The following OPCML variants were observed in gnomAD, a reference collection of about 807,000 sequenced individuals.
OPCML encodes opioid binding protein/cell adhesion molecule like.
In OPCML, 13 loss-of-function variants were observed where a neutral mutation model predicts 37.8. That is an observed-to-expected ratio of 0.34 (90% CI 0.22 to 0.55). OPCML has a LOEUF of 0.55. OPCML is among the 20% of genes least tolerant of loss of function. The probability of loss-of-function intolerance (pLI) is 0.91; values close to 1 mark genes in which losing one functional copy is unlikely to be tolerated. For missense variants in OPCML, 341 were observed against 435.6 expected (o/e 0.78, Z 1.93); for synonymous variants, 176 against 168.8 (o/e 1.04, Z -0.33).
At chr11:132,754,370 G>A (rs184166147) in intron 2 of OPCML, among the ~76,000 whole-genome samples, 4 of 152,130 alleles carry the variant, frequency 2.6e-5, no homozygotes, top group East Asian at 1.9e-4. Flanking sequence ...AAGATCTGAC[G>A]GTTTTTAAAA....
At chr11:133,311,446 G>A (rs948485240) in intron 1 of OPCML, among the ~76,000 whole-genome samples, 2 of 152,244 alleles carry the variant, frequency 1.3e-5, no homozygotes, top group Non-Finnish European at 2.9e-5. Context: ...TGCATCATTA[G>A]TGGTGAGGTC....
chr11:132,978,992 C>T (rs755464010), intron 1 of OPCML, among the ~76,000 whole-genome samples: 1 of 152,128 alleles, frequency 6.6e-6, no homozygotes, highest in African/African-American at 2.4e-5. Flanking sequence ...TGTTTCACAT[C>T]GCAACAAATG....
At chr11:132,465,928 AGG>A (rs2096118188) in intron 4 of OPCML, among the ~76,000 whole-genome samples, 1 of 152,236 alleles carries the variant, frequency 6.6e-6, no homozygotes, top group Non-Finnish European at 1.5e-5. Context: ...AGAAACTAAA[AGG>A]GATCATAGGC....
intron 3 of OPCML, among the ~76,000 whole-genome samples, chr11:132,533,341 G>T (rs973873713): frequency 6.6e-6 from 1 of 152,092 alleles, no homozygotes; most frequent in Non-Finnish European, 1.5e-5. Flanking sequence ...TAATAGCTAG[G>T]CAGAAGAAAG....
chr11:132,522,850 G>T (rs2096297382), intron 4 of OPCML, among the ~76,000 whole-genome samples: 1 of 152,200 alleles, frequency 6.6e-6, no homozygotes, highest in Admixed American at 6.5e-5. Context: ...TATTTGGAGT[G>T]CTAAGAACTT....
chr11:132,527,279 GTA>G (rs2096310988), intron 4 of OPCML, among the ~76,000 whole-genome samples: 1 of 152,142 alleles, frequency 6.6e-6, no homozygotes, highest in Non-Finnish European at 1.5e-5. Flanking sequence ...TACGCTAAGT[GTA>G]TGTTTAACTT....
At chr11:133,409,481 A>C (rs1945598555) in intron 1 of OPCML, among the ~76,000 whole-genome samples, 2 of 152,210 alleles carry the variant, frequency 1.3e-5, no homozygotes, top group Non-Finnish European at 2.9e-5. Context: ...GTGGGAATTT[A>C]AGCATCATCG....
At chr11:132,990,945 A>G (rs1046523111) in intron 1 of OPCML, among the ~76,000 whole-genome samples, 2 of 152,208 alleles carry the variant, frequency 1.3e-5, no homozygotes, top group Non-Finnish European at 2.9e-5. Context: ...AATCACAGGT[A>G]TATGATTCCA....
chr11:132,835,503 G>T (rs1940954603), intron 2 of OPCML, among the ~76,000 whole-genome samples: 1 of 152,200 alleles, frequency 6.6e-6, no homozygotes, highest in Admixed American at 6.5e-5. Context: ...GTCAGTACCA[G>T]TGGTGACAGT....
chr11:133,517,678 C>T lies in OPCML; in HGVS notation c.61+14586G>A, dbSNP rs143160818. Among the ~76,000 whole-genome samples, 152 of 152,312 alleles carry T rather than the reference C, an allele frequency of 1.0e-3. 1 individual carries two copies. The highest frequency in any genetic ancestry group is 3.3e-3 in the African/African-American group (139 of 41,564). On this transcript the variant is annotated intron_variant, in intron 1 of 7. Coordinates refer to ENST00000524381, the MANE Select transcript of OPCML (RefSeq NM_001012393.5). ...CAGGCTGACTCCTGGGCAAAGCCAT[C>T]GGTGCCAGGGTCCAAGCAGCAGTGA...
intron 2 of OPCML, among the ~76,000 whole-genome samples, chr11:132,716,224 C>T (rs562736911): frequency 6.6e-6 from 1 of 152,270 alleles, no homozygotes; most frequent in East Asian, 1.9e-4. Flanking sequence ...CCAGCCATGT[C>T]CTTGACCCTG....
intron 3 of OPCML, among the ~76,000 whole-genome samples, chr11:132,549,478 T>G (rs1363912586): frequency 6.6e-6 from 1 of 152,248 alleles, no homozygotes; most frequent in Non-Finnish European, 1.5e-5. Flanking sequence ...ACTCTTTTAT[T>G]CCTTTACATT....
chr11:132,601,046 A>G (rs560862797), intron 3 of OPCML, among the ~76,000 whole-genome samples: 2 of 152,236 alleles, frequency 1.3e-5, no homozygotes, highest in South Asian at 4.1e-4. Context: ...TAATGTATAT[A>G]CAAATTAAAT....
Position 132,730,171 on chromosome 11 carries a change from C to A in OPCML, c.147-72852G>T, listed in dbSNP as rs151321248. Among the ~76,000 whole-genome samples the A allele has an allele frequency of 6.3e-3, 963 of 152,070 alleles. 15 individuals are homozygous for A. Among genetic ancestry groups the A allele is most frequent in the African/African-American group, 0.022 (906 of 41,480 alleles). ...GGGATTACAGGCACCCGCCACCACA[C>A]CTAGCTAATTTTTTTTGTATTTTCA... On this transcript the variant is annotated intron_variant, in intron 2 of 7. Coordinates refer to ENST00000524381, the MANE Select transcript of OPCML (RefSeq NM_001012393.5).
At chr11:132,664,487 T>G (rs1231153530) in intron 2 of OPCML, among the ~76,000 whole-genome samples, 1 of 152,218 alleles carries the variant, frequency 6.6e-6, no homozygotes, top group Non-Finnish European at 1.5e-5. Context: ...TTTTCATAAA[T>G]TGAGAGTTAA....
chr11:133,031,236 T>C (rs912273359), intron 1 of OPCML, among the ~76,000 whole-genome samples: 5 of 151,074 alleles, frequency 3.3e-5, no homozygotes, highest in African/African-American at 1.2e-4. Context: ...CATTGATGGG[T>C]GGATAGATGG....
rs1013393651 is a variant in OPCML, at chr11:133,048,069, G to A, written c.62-105059C>T. ...GCCCAGACACTCTCATCGGGCTTGA[G>A]GAATCGGGTAAGACGCATGCATGGC... is the stretch of plus-strand genomic sequence containing the variant. On this transcript the variant is annotated intron_variant, in intron 1 of 7. Coordinates refer to ENST00000524381, the MANE Select transcript of OPCML (RefSeq NM_001012393.5). Among the ~76,000 whole-genome samples, 11 of 152,202 alleles carry A rather than the reference G, an allele frequency of 7.2e-5. No homozygotes were observed. The East Asian group carries it at 2.1e-3, about 30-fold the overall frequency.
At chr11:132,565,674 A>C (rs2096421005) in intron 3 of OPCML, among the ~76,000 whole-genome samples, 1 of 152,216 alleles carries the variant, frequency 6.6e-6, no homozygotes, top group South Asian at 2.1e-4. Flanking sequence ...ATATATAGAA[A>C]ACCAATGTGT....
At chr11:133,085,945 A>C (rs943492730) in intron 1 of OPCML, among the ~76,000 whole-genome samples, 1 of 152,204 alleles carries the variant, frequency 6.6e-6, no homozygotes, top group Admixed American at 6.5e-5. Flanking sequence ...CGGTTCATCT[A>C]ATATCTAACT....
Sources: gnomAD v4.1 joint callset for allele counts (sites outside exome capture counted in the v4.1 genomes callset) on GRCh38, gnomAD v4.1.1 for gene constraint, MANE v1.5 for transcripts, NCBI Gene and HGNC (gene_info 2026-07-23, HGNC 2026-07-21) for gene names.